The following ZNF385D variants were observed in gnomAD, a reference collection of about 807,000 sequenced individuals.
ZNF385D encodes the protein zinc finger protein 385D.
Under a neutral mutation model 35.8 loss-of-function variants are expected in ZNF385D, and 15 were observed. The observed-to-expected ratio is 0.42, with a 90% CI of 0.28 to 0.64. ZNF385D has a LOEUF of 0.64. Among genes scored for constraint, ZNF385D ranks in the 30% least tolerant of loss-of-function variants. ZNF385D has a pLI of 0.23. For synonymous variants in ZNF385D, 212 were observed against 186.8 expected (o/e 1.13, Z -1.10); for missense variants, 474 against 494.6 (o/e 0.96, Z 0.39).
At chr3:21,924,180 T>C (rs557906720) in intron 3 of ZNF385D, among the ~76,000 whole-genome samples, 1 of 152,170 alleles carries the variant, frequency 6.6e-6, no homozygotes. Context: ...CAGATGTATA[T>C]TTCCCTATTT....
At chr3:21,623,000 C>T (rs2065046991) in intron 2 of ZNF385D, among the ~76,000 whole-genome samples, 1 of 152,106 alleles carries the variant, frequency 6.6e-6, no homozygotes, top group Non-Finnish European at 1.5e-5. Context: ...ACGATTTTCT[C>T]AACTAGAAGA....
At chr3:21,665,961 A>C (rs1437245338) in intron 1 of ZNF385D, among the ~76,000 whole-genome samples, 2 of 152,246 alleles carry the variant, frequency 1.3e-5, no homozygotes, top group African/African-American at 4.8e-5. Context: ...GGCAAGCAAC[A>C]GACTGTAAAA....
At position 22,070,549 on chromosome 3, in the gene ZNF385D, G is replaced by A. The variant is rs190238645; in HGVS notation, c.325+98268C>T. 2.0e-5 allele frequency among the ~76,000 whole-genome samples: 3 copies of A among 152,110 alleles called. No homozygotes were observed. In the East Asian group the frequency reaches 5.8e-4, roughly 29 times the overall value. On this transcript the variant is annotated intron_variant, in intron 3 of 5. Coordinates refer to the ZNF385D transcript ENST00000494108. ...TCTATGAAAGTTCTTCCCATCCTAG[G>A]ACACACTGTGATGAAAGATTATAAA...
At chr3:22,363,103 TA>T (rs1696490849) in intron 2 of ZNF385D, among the ~76,000 whole-genome samples, 1 of 152,094 alleles carries the variant, frequency 6.6e-6, no homozygotes, top group African/African-American at 2.4e-5. Flanking sequence ...AAGAAATTGA[TA>T]TTTTCCAGGC....
chr3:22,132,222 A>G (rs894792741), intron 3 of ZNF385D, among the ~76,000 whole-genome samples: 3 of 152,108 alleles, frequency 2.0e-5, no homozygotes, highest in Non-Finnish European at 4.4e-5. Context: ...AATGAATGGC[A>G]ATAGAGCCCC....
intron 3 of ZNF385D, among the ~76,000 whole-genome samples, chr3:21,804,488 AG>A (rs1384575220): frequency 6.6e-6 from 1 of 152,194 alleles, no homozygotes; most frequent in African/African-American, 2.4e-5. Flanking sequence ...CCTATGAACA[AG>A]AGATGATTCA....
At chr3:21,554,231 C>G (rs981167547) in intron 3 of ZNF385D, among the ~76,000 whole-genome samples, 26 of 152,230 alleles carry the variant, frequency 1.7e-4, no homozygotes, top group African/African-American at 6.3e-4. Flanking sequence ...ATGGGCTGCA[C>G]AGTGAATGTA....
At chr3:21,722,621 G>A (rs748879830) in intron 1 of ZNF385D, among the ~76,000 whole-genome samples, 2 of 152,312 alleles carry the variant, frequency 1.3e-5, no homozygotes, top group Non-Finnish European at 2.9e-5. Flanking sequence ...AAGCAGCATC[G>A]TCAGACCCAT....
chr3:22,001,821 G>A (rs1695862819), intron 3 of ZNF385D, among the ~76,000 whole-genome samples: 1 of 151,548 alleles, frequency 6.6e-6, no homozygotes, highest in Non-Finnish European at 1.5e-5. Context: ...CTATATAAAT[G>A]AAAATTAAAC....
chr3:21,669,312 T>G (rs2066492537), intron 1 of ZNF385D, among the ~76,000 whole-genome samples: 1 of 152,204 alleles, frequency 6.6e-6, no homozygotes, highest in Non-Finnish European at 1.5e-5. Flanking sequence ...ATCATTAATG[T>G]TCACAAAATT....
chr3:21,678,557 T>C (rs2066800876), intron 1 of ZNF385D, among the ~76,000 whole-genome samples: 1 of 152,144 alleles, frequency 6.6e-6, no homozygotes, highest in South Asian at 2.1e-4. Flanking sequence ...GAAGGGGCTC[T>C]GATCACAGCC....
intron 2 of ZNF385D, among the ~76,000 whole-genome samples, chr3:22,353,053 G>A (rs946057303): frequency 6.6e-6 from 1 of 152,150 alleles, no homozygotes; most frequent in African/African-American, 2.4e-5. Context: ...GAAGGAAGAG[G>A]AGGAAAAAAG....
chr3:21,751,332 C>T (rs2070073122), upstream of ZNF385D: 1 of 1,061,366 alleles, frequency 9.4e-7, no homozygotes, highest in Non-Finnish European at 1.1e-6. Flanking sequence ...TTTGACGAGC[C>T]CAGAGACTTG....
chr3:21,975,095 A>G (rs953821991), intron 3 of ZNF385D, among the ~76,000 whole-genome samples: 1 of 152,226 alleles, frequency 6.6e-6, no homozygotes, highest in African/African-American at 2.4e-5. Context: ...GAAAATCAGT[A>G]TATTGAAGAG....
intron 2 of ZNF385D, among the ~76,000 whole-genome samples, chr3:22,328,051 T>G (rs1694759445): frequency 6.6e-6 from 1 of 152,208 alleles, no homozygotes; most frequent in Non-Finnish European, 1.5e-5. Context: ...ATTACCTAAG[T>G]CTTTTACATA....
chr3:22,197,840 T>C (rs1696523659), intron 2 of ZNF385D, among the ~76,000 whole-genome samples: 1 of 152,122 alleles, frequency 6.6e-6, no homozygotes. Flanking sequence ...TGGTTTCCTT[T>C]CCTCTAGCAT....
intron 3 of ZNF385D, among the ~76,000 whole-genome samples, chr3:22,022,129 A>G (rs1697257774): frequency 6.6e-6 from 1 of 152,098 alleles, no homozygotes. Flanking sequence ...TCTGTATTTC[A>G]GTTTTCTTAA....
chr3:22,086,133 A>G (rs1280050154), intron 3 of ZNF385D, among the ~76,000 whole-genome samples: 4 of 152,208 alleles, frequency 2.6e-5, no homozygotes, highest in African/African-American at 9.6e-5. Context: ...TTCCCTTTGA[A>G]AACTGGCACA....
intron 3 of ZNF385D, among the ~76,000 whole-genome samples, chr3:21,846,664 G>A (rs1012577419): frequency 2.0e-5 from 3 of 151,994 alleles, no homozygotes; most frequent in Non-Finnish European, 2.9e-5. Context: ...GAAAATGACT[G>A]AGGTTTTCCA....
Sources: allele counts gnomAD v4.1 joint callset (sites outside exome capture counted in the v4.1 genomes callset), GRCh38; gene constraint gnomAD v4.1.1; transcripts MANE v1.5; gene names NCBI Gene and HGNC (gene_info 2026-07-23, HGNC 2026-07-21).